Variants in BRI3BP observed in about 807,000 individuals in gnomAD.
BRI3BP encodes BRI3 binding protein.
In BRI3BP, 7 loss-of-function variants were observed where a neutral mutation model predicts 15.8. The ratio of observed to expected loss-of-function variants is 0.44; its 90% CI spans 0.25 to 0.83. The LOEUF is 0.83. Among genes scored for constraint, BRI3BP ranks in the 40% least tolerant of loss-of-function variants. BRI3BP has a pLI of 0.20. For synonymous variants in BRI3BP, 192 were observed against 163.5 expected (o/e 1.17, Z -1.33); for missense variants, 320 against 339.3 (o/e 0.94, Z 0.45).
At chr12:125,039,315 T>C in the BRI3BP span, among the ~76,000 whole-genome samples, 1 of 152,196 alleles carries the variant, frequency 6.6e-6, no homozygotes, top group Non-Finnish European at 1.5e-5. Flanking sequence ...AATAGTTTTT[T>C]TTCAAATGCA....
chr12:125,025,134 T>G lies in BRI3BP; in HGVS notation c.460T>G (p.Phe154Val). The change falls in exon 3 of 3, where the codon TTC (phenylalanine) becomes GTC (valine). Residue 154 changes from phenylalanine (F) to valine (V), a missense_variant. By Grantham distance (50) the Phe-to-Val change is conservative. Coordinates refer to ENST00000341446, the MANE Select transcript of BRI3BP (RefSeq NM_080626.6). ...CACTTTCAGCGTCCTGCACGTGGTG[T>G]TCGGCCGCTTCTTCTGGATCGTGCG... ...GFTFSVLHVV[F>V]GRFFWIVRVV... 1 of 1,614,128 alleles carries G rather than the reference T, an allele frequency of 6.2e-7. No homozygotes were observed. The highest frequency in any genetic ancestry group is 8.5e-7 in the Non-Finnish European group (1 of 1,180,036).
chr12:125,045,820 A>G, the BRI3BP span, among the ~76,000 whole-genome samples: 3 of 152,076 alleles, frequency 2.0e-5, no homozygotes, highest in African/African-American at 4.8e-5. Context: ...TTTTAGTTCA[A>G]TGGTTGCAGG....
chr12:125,016,825 C>CTTTTTTTTTTT (rs58016016), intron 2 of BRI3BP, among the ~76,000 whole-genome samples: 491 of 39,804 alleles, frequency 0.012, 71 homozygotes, highest in South Asian at 0.021. Flanking sequence ...TGCGCCCAGC[C>CTTTTTTTTTTT]TTTTTTTTTT....
At position 125,029,722 on chromosome 12, in the gene BRI3BP, T is replaced by C. The variant is rs965748651; in HGVS notation, c.*4292T>C. ...AAGCAGACCTTGTGAATCGTGCCTG[T>C]GTCTTAATTCACAAAGGGTAAGTGA... is the stretch of plus-strand genomic sequence containing the variant. On this transcript the variant is annotated 3_prime_UTR_variant, in exon 3 of 3. Coordinates refer to ENST00000341446, the MANE Select transcript of BRI3BP (RefSeq NM_080626.6). The C allele has an allele frequency of 6.6e-6, 1 of 152,120 alleles. No homozygotes were observed. Among genetic ancestry groups the C allele is most frequent in the African/African-American group, 2.4e-5 (1 of 41,424 alleles). 9.4% of individuals were successfully genotyped at this position (152,120 alleles called of 1,614,324 possible). A position where few individuals can be genotyped will look rare whatever the true frequency, so the allele number is the denominator to read the frequency against.
At chr12:125,045,377 G>A in the BRI3BP span, among the ~76,000 whole-genome samples, 2 of 152,026 alleles carry the variant, frequency 1.3e-5, no homozygotes, top group South Asian at 2.1e-4. Context: ...TCACTCTGTC[G>A]CCCAGGCTGG....
intron 1 of BRI3BP, among the ~76,000 whole-genome samples, chr12:124,995,558 G>C (rs902251933): frequency 1.3e-5 from 2 of 152,186 alleles, no homozygotes; most frequent in African/African-American, 4.8e-5. Flanking sequence ...CTGTATTCTG[G>C]CAGAGCATCT....
downstream of BRI3BP, among the ~76,000 whole-genome samples, chr12:125,034,624 C>T (rs908918336): frequency 2.0e-5 from 3 of 151,422 alleles, no homozygotes; most frequent in African/African-American, 7.3e-5. Context: ...GAGTCTCACT[C>T]TGTCGCCCAG....
chr12:125,023,552 G>C (rs1314177139), intron 2 of BRI3BP, among the ~76,000 whole-genome samples: 2 of 152,136 alleles, frequency 1.3e-5, no homozygotes, highest in Non-Finnish European at 2.9e-5. Flanking sequence ...AGTAAAAGGT[G>C]AAAGTTGTCT....
At chr12:124,999,650 C>G (rs1955067444) in intron 1 of BRI3BP, among the ~76,000 whole-genome samples, 1 of 150,102 alleles carries the variant, frequency 6.7e-6, no homozygotes, top group South Asian at 2.1e-4. Context: ...CGGAGTCTCC[C>G]TCTGTCGCCC....
At chr12:125,007,164 A>T (rs937352930) in intron 1 of BRI3BP, among the ~76,000 whole-genome samples, 2 of 151,778 alleles carry the variant, frequency 1.3e-5, no homozygotes, top group East Asian at 3.9e-4. Context: ...GCACCACTGT[A>T]CTCTAGCCTG....
chr12:125,038,004 C>T, the BRI3BP span, among the ~76,000 whole-genome samples: 2 of 150,668 alleles, frequency 1.3e-5, no homozygotes, highest in African/African-American at 4.9e-5. Flanking sequence ...TAGAAGTTCA[C>T]AATTCTAGCC....
At chr12:125,011,804 C>T (rs1349510026) in intron 1 of BRI3BP, among the ~76,000 whole-genome samples, 1 of 152,164 alleles carries the variant, frequency 6.6e-6, no homozygotes, top group Non-Finnish European at 1.5e-5. Context: ...CAAATAAAGA[C>T]CTCAGAGGCT....
At position 125,025,160 on chromosome 12, in the gene BRI3BP, GGTC is replaced by G; in HGVS notation, c.490_492del (p.Val164del). The G allele has an allele frequency of 1.9e-6, 3 of 1,614,136 alleles. No homozygotes were observed. The highest frequency in any genetic ancestry group is 2.5e-6 in the Non-Finnish European group (3 of 1,180,038). The stretch of plus-strand genomic sequence containing the variant: ...TCGGCCGCTTCTTCTGGATCGTGCG[GGTC>G]GTCCTGTTTTCCATGTCCTGCGTGT... On this transcript the variant is annotated inframe_deletion, in exon 3 of 3. Coordinates refer to ENST00000341446, the MANE Select transcript of BRI3BP (RefSeq NM_080626.6).
intron 2 of BRI3BP, among the ~76,000 whole-genome samples, chr12:125,024,479 TA>T (rs1955330523): frequency 6.6e-6 from 1 of 152,166 alleles, no homozygotes; most frequent in South Asian, 2.1e-4. Flanking sequence ...GAGAGGTTTT[TA>T]AAACTCAACA....
chr12:125,048,886 G>A, the BRI3BP span, among the ~76,000 whole-genome samples: 1 of 152,112 alleles, frequency 6.6e-6, no homozygotes, highest in East Asian at 1.9e-4. Context: ...TAGCCAAGTA[G>A]AGGTGATGGT....
chr12:125,005,774 TAAA>T (rs60960388), intron 1 of BRI3BP, among the ~76,000 whole-genome samples: 1 of 131,984 alleles, frequency 7.6e-6, no homozygotes, highest in African/African-American at 2.7e-5. Flanking sequence ...CAAGACTGTT[TAAA>T]AAAAAAAAAA....
intron 2 of BRI3BP, among the ~76,000 whole-genome samples, chr12:125,016,717 AG>A (rs1214271936): frequency 6.6e-6 from 1 of 150,782 alleles, no homozygotes; most frequent in African/African-American, 2.4e-5. Flanking sequence ...TAGTAGAGAC[AG>A]GGTTTCACTA....
chr12:124,995,736 CTG>C (rs1955035203), intron 1 of BRI3BP, among the ~76,000 whole-genome samples: 1 of 152,180 alleles, frequency 6.6e-6, no homozygotes, highest in Non-Finnish European at 1.5e-5. Flanking sequence ...GATGAGGAAA[CTG>C]AGACACAGAG....
At chr12:125,003,240 T>C (rs528957238) in intron 1 of BRI3BP, among the ~76,000 whole-genome samples, 70 of 152,270 alleles carry the variant, frequency 4.6e-4, no homozygotes, top group Middle Eastern at 3.4e-3. Context: ...AGGAAGGCCA[T>C]TGTCACCCAA....
Sources: allele counts gnomAD v4.1 joint callset (sites outside exome capture counted in the v4.1 genomes callset), GRCh38; gene constraint gnomAD v4.1.1; transcripts MANE v1.5; gene names NCBI Gene and HGNC (gene_info 2026-07-23, HGNC 2026-07-21).